HERC2: variants seen among roughly 807,000 people sequenced by gnomAD.
The protein encoded by HERC2 is E3 ubiquitin-protein ligase HERC2.
A neutral mutation model predicts 537.7 loss-of-function variants in HERC2; 102 were observed. That is an observed-to-expected ratio of 0.19 (90% CI 0.16 to 0.22). HERC2 has a LOEUF of 0.22. HERC2 is among the 10% of genes least tolerant of loss of function. The probability of loss-of-function intolerance (pLI) is 1.00; values close to 1 mark genes in which losing one functional copy is unlikely to be tolerated. For missense variants in HERC2, 4,236 were observed against 6,198.2 expected (o/e 0.68, Z 10.63); for synonymous variants, 2,224 against 2,466.2 (o/e 0.90, Z 2.91).
intron 86 of HERC2, chr15:28,117,653 G>T (rs556836141): frequency 2.6e-5 from 11 of 417,968 alleles, no homozygotes; most frequent in South Asian, 1.9e-4. Context: ...GACACAGTGA[G>T]TGAGTGCCTC....
chr15:28,114,948 G>C, intron 89 of HERC2, 146 bp from the exon 90 acceptor site: 1 of 622,230 alleles, frequency 1.6e-6, no homozygotes. Flanking sequence ...CACACACCAA[G>C]ATATAAGAGG....
Position 28,179,129 on chromosome 15 carries a change from A to C in HERC2, c.9019+13T>G. On this transcript the variant is annotated intron_variant, in intron 58 of 92. Coordinates refer to ENST00000261609, the MANE Select transcript of HERC2 (RefSeq NM_004667.6). ...CATAATTTAAAAATTTTTTAAGATTAGAATAATCATACCTGCAAACAAACT... is the reference window on the plus strand; with the variant it reads ...CATAATTTAAAAATTTTTTAAGATTCGAATAATCATACCTGCAAACAAACT... The C allele has an allele frequency of 6.2e-7, 1 of 1,606,946 alleles. No homozygotes were observed. The highest frequency in any genetic ancestry group is 8.5e-7 in the Non-Finnish European group (1 of 1,177,446).
chr15:28,288,947 G>A lies in HERC2; in HGVS notation c.322+3941C>T, dbSNP rs572401343. Among the ~76,000 whole-genome samples, 337 of 151,324 alleles carry A rather than the reference G, an allele frequency of 2.2e-3. 2 individuals are homozygous for A. The highest frequency in any genetic ancestry group is 6.8e-3 in the Middle Eastern group (2 of 294). On this transcript the variant is annotated intron_variant, in intron 4 of 92. Transcript: ENST00000261609. ...AAAAACAAAAACATCATATTGTGGGGTTTATACCATGTTTCACTTGGACAT... is the reference window on the plus strand; with the variant it reads ...AAAAACAAAAACATCATATTGTGGGATTTATACCATGTTTCACTTGGACAT...
intron 31 of HERC2, among the ~76,000 whole-genome samples, 178 bp from the exon 32 acceptor site, chr15:28,230,025 T>C (rs1408446583): frequency 1.3e-5 from 2 of 152,224 alleles, no homozygotes; most frequent in Non-Finnish European, 2.9e-5. Flanking sequence ...ATAATCTCTA[T>C]ACTAATATAT....
rs888214029 is a variant in HERC2, at chr15:28,122,665, C to G, written c.13189-1236G>C. Reference sequence around the variant, plus strand: ...GAGAGTCCATTTTGGTGCTCTGGACCGGGAGTAGTAACACCCACTCTCTGA... The same window carrying G: ...GAGAGTCCATTTTGGTGCTCTGGACGGGGAGTAGTAACACCCACTCTCTGA... On this transcript the variant is annotated intron_variant, in intron 85 of 92. Transcript: ENST00000261609. This position sits in a 1 kb window ranked among gnomAD's most constrained non-coding sequence, Gnocchi z 4.1. 1.3e-5 allele frequency among the ~76,000 whole-genome samples: 2 copies of G among 152,110 alleles called. No homozygotes were observed. The highest frequency in any genetic ancestry group is 2.1e-4 in the South Asian group (1 of 4,828).
intron 2 of HERC2, among the ~76,000 whole-genome samples, chr15:28,311,456 C>T (rs1328667668): frequency 6.6e-6 from 1 of 151,858 alleles, no homozygotes; most frequent in East Asian, 1.9e-4. Context: ...CAGAGTGAGA[C>T]CCTGACTTAA....
At chr15:28,128,178 G>A (rs1161652409) in intron 83 of HERC2, among the ~76,000 whole-genome samples, 2 of 152,232 alleles carry the variant, frequency 1.3e-5, no homozygotes, top group African/African-American at 4.8e-5. Context: ...ACGAGGAAGT[G>A]AAACGATGAT....
chr15:28,262,938 T>G lies in HERC2; in HGVS notation c.2102A>C (p.Lys701Thr), dbSNP rs777449073. The G allele has an allele frequency of 1.2e-6, 2 of 1,614,060 alleles. No homozygotes were observed. The highest frequency in any genetic ancestry group is 8.5e-7 in the Non-Finnish European group (1 of 1,179,998). The change falls in exon 15 of 93, where the codon AAA becomes ACA. Residue 701 changes from lysine (K) to threonine (T), a missense_variant. Physicochemically the swap from Lys to Thr is moderately conservative, Grantham distance 78 (BLOSUM62 -1). Transcript: ENST00000261609. ...CTCACCTTGCAAGCCTTCTAAGAGT[T>G]TTGGATAACGAACATGTTCCTCTGT... The part of the protein sequence containing the change: ...HGTEEHVRYP[K>T]LLEGLQGKKV...
rs1396254555 is a variant in HERC2 at position 28,176,216 on chromosome 15, A to C, written c.9686+212T>G. ...AAGGTAAGTGGCCTAAAATTTTTCT[A>C]GTATTTTCAAAATGACCCAGTTACA... is the stretch of plus-strand genomic sequence containing the variant. On this transcript the variant is annotated intron_variant, in intron 63 of 92. Coordinates refer to ENST00000261609, the MANE Select transcript of HERC2 (RefSeq NM_004667.6). This position sits in a 1 kb window ranked among gnomAD's most constrained non-coding sequence, Gnocchi z 5.0. Among the ~76,000 whole-genome samples the C allele has an allele frequency of 2.6e-5, 4 of 152,238 alleles. No individual in the cohort carries two copies. Among genetic ancestry groups the C allele is most frequent in the African/African-American group, 9.6e-5 (4 of 41,462 alleles).
chr15:28,243,516 C>A (rs1903344388), intron 23 of HERC2, among the ~76,000 whole-genome samples: 1 of 152,146 alleles, frequency 6.6e-6, no homozygotes, highest in Non-Finnish European at 1.5e-5. Flanking sequence ...CAGTAACACT[C>A]ACATGAATGA....
intron 83 of HERC2, 38 bp downstream of exon 83, chr15:28,130,124 TC>T (rs1414155722): frequency 6.2e-7 from 1 of 1,610,500 alleles, no homozygotes; most frequent in African/African-American, 1.3e-5. Context: ...CCTCTTAGAT[TC>T]ACAGGCCTCA....
chr15:28,127,338 A>G (rs989841344), intron 83 of HERC2, among the ~76,000 whole-genome samples: 1 of 152,198 alleles, frequency 6.6e-6, no homozygotes, highest in East Asian at 1.9e-4. Context: ...CAAGGGGAGG[A>G]GCCACACAGG....
At position 28,191,013 on chromosome 15, in the gene HERC2, A is replaced by G. The variant is rs751514480; in HGVS notation, c.8601T>C (p.Asn2867=). 1.5e-5 allele frequency: 25 copies of G among 1,613,208 alleles called. No individual in the cohort carries two copies. The Admixed American group carries it at 4.0e-4, about 26-fold the overall frequency. Residue 2867 remains asparagine, a synonymous_variant, in exon 55 of 93, where the codon AAT becomes AAC. Coordinates refer to ENST00000261609, the MANE Select transcript of HERC2 (RefSeq NM_004667.6). ...LNNLIELKTI[N]INPSDTTVPL... The stretch of plus-strand genomic sequence containing the variant: ...GCACTGTGGTGTCAGAAGGGTTAAT[A>G]TTGATTGTCTTTAGTTCAATAAGGT...
intron 44 of HERC2, among the ~76,000 whole-genome samples, chr15:28,208,998 T>C (rs1898807520): frequency 6.6e-6 from 1 of 152,236 alleles, no homozygotes; most frequent in South Asian, 2.1e-4. Context: ...TGTTTTTTTC[T>C]ATTAAAAGTG....
At chr15:28,148,049 A>G (rs1252257308) in intron 70 of HERC2, among the ~76,000 whole-genome samples, 6 of 152,008 alleles carry the variant, frequency 3.9e-5, no homozygotes, top group African/African-American at 1.4e-4. Context: ...AAAAAAAAAA[A>G]AAGAAAAGTG....
Position 28,265,729 on chromosome 15 carries a change from A to T in HERC2, c.1759T>A (p.Ser587Thr). ...ATCGGAATGGCCTCGTCCTCACTGGAGCCTTCAAACAGATAGGACGGCGGT... is the reference window on the plus strand; with the variant it reads ...ATCGGAATGGCCTCGTCCTCACTGGTGCCTTCAAACAGATAGGACGGCGGT... ...RGNYGRLGHG[S>T]SEDEAIPMLV... Residue 587 changes from serine to threonine, a missense_variant and splice_region_variant, in exon 14 of 93, where the codon TCC becomes ACC. Transcript: ENST00000261609. The surrounding 1 kb of genome is among the most constrained non-coding windows in gnomAD (Gnocchi z 4.0). 1 of 1,614,080 alleles carries T rather than the reference A, an allele frequency of 6.2e-7. No individual in the cohort carries two copies. Among genetic ancestry groups the T allele is most frequent in the African/African-American group, 1.3e-5 (1 of 75,058 alleles).
chr15:28,163,415 CTTAAGAAACAGA>C (rs1893814118), intron 68 of HERC2, 130 bp from the exon 69 acceptor site: 6 of 747,936 alleles, frequency 8.0e-6, no homozygotes, highest in South Asian at 5.8e-5. Context: ...TGTTTAAGAC[CTTAAGAAACAGA>C]TTAAGAAACG....
chr15:28,302,844 T>C (rs1051441641), intron 2 of HERC2, among the ~76,000 whole-genome samples: 2 of 152,140 alleles, frequency 1.3e-5, no homozygotes, highest in African/African-American at 4.8e-5. Context: ...TGCCCATTCT[T>C]ATTGGATTAT....
Position 28,144,772 on chromosome 15 carries a change from G to C in HERC2, c.11041C>G (p.Arg3681Gly). 3.7e-6 allele frequency: 6 copies of C among 1,614,168 alleles called. No individual in the cohort carries two copies. Among genetic ancestry groups the C allele is most frequent in the Non-Finnish European group, 5.1e-6 (6 of 1,180,028 alleles). The stretch of plus-strand genomic sequence containing the variant: ...CACTTTAACTCATCCCCTGGGATGC[G>C]CAGCTCGCTGGACCAGTCGGACCAC... ...REWSDWSSEL[R>G]IPGDELKWKF... Residue 3681 changes from arginine (R) to glycine (G), a missense_variant, in exon 72 of 93, where the codon CGC becomes GGC. This residue lies in a region of HERC2 where 356 missense variants were observed against 450.9 expected (regional missense o/e 0.79). Coordinates refer to ENST00000261609, the MANE Select transcript of HERC2 (RefSeq NM_004667.6).
Sources: allele counts gnomAD v4.1 joint callset (sites outside exome capture counted in the v4.1 genomes callset), GRCh38; gene constraint gnomAD v4.1.1; regional missense constraint gnomAD v4.1.1; non-coding constraint Gnocchi (gnomAD v3.1); transcripts MANE v1.5; gene names NCBI Gene and HGNC (gene_info 2026-07-23, HGNC 2026-07-21).